Variants in SBF2 observed in about 807,000 individuals in gnomAD.
SBF2 encodes SET binding factor 2.
A neutral mutation model predicts 225.2 loss-of-function variants in SBF2; 112 were observed. The ratio of observed to expected loss-of-function variants is 0.50; its 90% CI spans 0.43 to 0.58. The LOEUF (loss-of-function observed/expected upper bound fraction) is 0.58. Among genes scored for constraint, SBF2 ranks in the 20% least tolerant of loss-of-function variants. The probability of loss-of-function intolerance (pLI) is 0.00; values close to 1 mark genes in which losing one functional copy is unlikely to be tolerated. For missense variants in SBF2, 1,996 were observed against 2,206.2 expected (o/e 0.90, Z 1.91); for synonymous variants, 763 against 773.3 (o/e 0.99, Z 0.22).
chr11:9,798,093 C>T (rs887271594), intron 32 of SBF2, among the ~76,000 whole-genome samples: 4 of 152,044 alleles, frequency 2.6e-5, no homozygotes, highest in African/African-American at 9.7e-5. Context: ...TCTTTTATTT[C>T]CTTGTTTTGT....
intron 17 of SBF2, among the ~76,000 whole-genome samples, chr11:9,876,130 C>T (rs1307671163): frequency 2.0e-5 from 3 of 152,180 alleles, no homozygotes; most frequent in Admixed American, 6.5e-5. Flanking sequence ...ATACTATTCA[C>T]TCCTGTAGGT....
At chr11:10,043,360 A>G (rs1949729195) in intron 2 of SBF2, among the ~76,000 whole-genome samples, 1 of 152,222 alleles carries the variant, frequency 6.6e-6, no homozygotes, top group African/African-American at 2.4e-5. Context: ...AATTATTTTT[A>G]AATTTCCATA....
intron 2 of SBF2, among the ~76,000 whole-genome samples, chr11:10,185,900 T>C (rs1219814677): frequency 1.3e-5 from 2 of 152,152 alleles, no homozygotes; most frequent in African/African-American, 4.8e-5. Context: ...TACAAATCAG[T>C]TGGTTCTAGA....
chr11:10,093,257 C>T (rs937309689), intron 2 of SBF2, among the ~76,000 whole-genome samples: 8 of 151,728 alleles, frequency 5.3e-5, no homozygotes, highest in Non-Finnish European at 8.8e-5. Flanking sequence ...TCAAGTGATC[C>T]ACCAGCCTCA....
intron 39 of SBF2, 111 bp downstream of exon 39, chr11:9,781,396 C>G: frequency 7.1e-7 from 1 of 1,400,188 alleles, no homozygotes; most frequent in Non-Finnish European, 1.0e-6. Flanking sequence ...CCAAGGGGGT[C>G]TGTCATCCAT....
At chr11:10,045,072 C>T (rs1027963697) in intron 2 of SBF2, among the ~76,000 whole-genome samples, 4 of 151,940 alleles carry the variant, frequency 2.6e-5, no homozygotes, top group African/African-American at 7.3e-5. Context: ...GTTTTTGTAA[C>T]GAGTTGTTTG....
chr11:9,920,031 C>T (rs933024139), intron 16 of SBF2, among the ~76,000 whole-genome samples: 5 of 151,982 alleles, frequency 3.3e-5, no homozygotes, highest in Non-Finnish European at 7.4e-5. Flanking sequence ...CATGCCCGGC[C>T]TCTTCTTTTT....
rs183747401 is a variant in SBF2 at position 9,854,672 on chromosome 11, C to G, written c.2364-960G>C. On this transcript the variant is annotated intron_variant, in intron 19 of 39. Transcript: ENST00000256190. ...CTAGCTGTAACCTCAAACTCCTGGG[C>G]TCAAGAAATCCTCCTGCAGCAGTGA... Among the ~76,000 whole-genome samples the G allele has an allele frequency of 3.7e-4, 56 of 152,246 alleles. 1 individual carries two copies. Among genetic ancestry groups the G allele is most frequent in the African/African-American group, 1.2e-3 (51 of 41,524 alleles).
chr11:10,033,793 G>A (rs940585512), intron 3 of SBF2, among the ~76,000 whole-genome samples: 8 of 151,944 alleles, frequency 5.3e-5, no homozygotes, highest in African/African-American at 1.9e-4. Context: ...CATGTCAGAG[G>A]AATACTCCCT....
At chr11:10,117,741 G>A (rs565750245) in intron 2 of SBF2, among the ~76,000 whole-genome samples, 67 of 150,860 alleles carry the variant, frequency 4.4e-4, no homozygotes, top group Non-Finnish European at 8.6e-4. Context: ...AGCCTTAAGA[G>A]TCTCTCTTGG....
intron 29 of SBF2, 163 bp from the exon 30 acceptor site, chr11:9,812,871 T>C (rs1260266590): frequency 2.8e-6 from 2 of 713,046 alleles, no homozygotes; most frequent in African/African-American, 3.5e-5. Context: ...TGTGTCAGTG[T>C]TGGTGGGAAC....
chr11:9,929,105 C>T, intron 16 of SBF2: 1 of 318,318 alleles, frequency 3.1e-6, no homozygotes, highest in East Asian at 8.9e-5. Context: ...AAGTTGACAA[C>T]AACCAAGTGG....
At chr11:10,109,391 T>C (rs759401681) in intron 2 of SBF2, among the ~76,000 whole-genome samples, 1 of 152,168 alleles carries the variant, frequency 6.6e-6, no homozygotes, top group African/African-American at 2.4e-5. Flanking sequence ...AGCAGCTTGA[T>C]TTGGCAGTCT....
chr11:9,917,315 C>T (rs1401136186), intron 16 of SBF2, among the ~76,000 whole-genome samples: 3 of 151,332 alleles, frequency 2.0e-5, no homozygotes, highest in Admixed American at 6.6e-5. Flanking sequence ...TGTCTCAGGT[C>T]CCATTACAAG....
intron 2 of SBF2, among the ~76,000 whole-genome samples, chr11:10,151,132 C>T (rs1955164153): frequency 6.6e-6 from 1 of 152,194 alleles, no homozygotes; most frequent in Non-Finnish European, 1.5e-5. Flanking sequence ...TACACAGTCT[C>T]TTGCCTTCAG....
chr11:10,098,476 A>T (rs74236263), intron 2 of SBF2, among the ~76,000 whole-genome samples: 44 of 115,210 alleles, frequency 3.8e-4, no homozygotes, highest in Non-Finnish European at 7.0e-4. Flanking sequence ...AAGGAAAATT[A>T]AAAAAAAAAA....
rs1480030146 is a variant in SBF2, at chr11:9,780,463, G to T, written c.5505C>A (p.Ala1835=). ...YNFCAQDGQS[A]QQWMDKIQSC... is the part of the protein sequence containing the mutation. The stretch of plus-strand genomic sequence containing the variant: ...TCTGGATCTTGTCCATCCATTGCTG[G>T]GCACTCTGTCCATCCTGGGCGCAGA... Residue 1835 remains alanine, a synonymous_variant, in exon 40 of 40, where the codon GCC becomes GCA. Transcript: ENST00000256190. 6.2e-7 allele frequency: 1 copy of T among 1,613,974 alleles called. No individual in the cohort carries two copies. Among genetic ancestry groups the T allele is most frequent in the African/African-American group, 1.3e-5 (1 of 74,894 alleles).
At chr11:10,268,458 A>T (rs11042708) in intron 1 of SBF2, among the ~76,000 whole-genome samples, 3,214 of 152,290 alleles carry the variant, frequency 0.021, 86 homozygotes, top group African/African-American at 0.063. Flanking sequence ...TTATTAATAC[A>T]GTACACAAAA....
At position 9,808,908 on chromosome 11, in the gene SBF2, G is replaced by T; in HGVS notation, c.4250C>A (p.Thr1417Asn). ...LVCLEEGWDI[T>N]AQVTSLVQLL... ...ATATGTCTAATAGTTTACTTGTGCA[G>T]TGATGTCCCAGCCTTCCTCCAAACA... The change falls in exon 31 of 40, where the codon ACT becomes AAT. Residue 1417 changes from threonine (T) to asparagine (N), a missense_variant. Coordinates refer to ENST00000256190, the MANE Select transcript of SBF2 (RefSeq NM_030962.4). The T allele has an allele frequency of 6.2e-7, 1 of 1,608,912 alleles. No individual in the cohort carries two copies. The highest frequency in any genetic ancestry group is 8.5e-7 in the Non-Finnish European group (1 of 1,175,288).
Sources: allele counts gnomAD v4.1 joint callset (sites outside exome capture counted in the v4.1 genomes callset), GRCh38; gene constraint gnomAD v4.1.1; transcripts MANE v1.5; gene names NCBI Gene and HGNC (gene_info 2026-07-23, HGNC 2026-07-21).